Variants in SLC15A5 observed in about 807,000 individuals in gnomAD.
SLC15A5 encodes the protein solute carrier family 15 member 5.
Under a neutral mutation model 56.1 loss-of-function variants are expected in SLC15A5, and 58 were observed. The ratio of observed to expected loss-of-function variants is 1.03; its 90% CI spans 0.84 to 1.29. The LOEUF (loss-of-function observed/expected upper bound fraction) is 1.29. Ranked by LOEUF, SLC15A5 falls within the 50% of genes most tolerant of loss-of-function variation. The pLI is 0.00. For synonymous variants in SLC15A5, 264 were observed against 250.5 expected (o/e 1.05, Z -0.51); for missense variants, 681 against 672.1 (o/e 1.01, Z -0.15).
intron 7 of SLC15A5, among the ~76,000 whole-genome samples, chr12:16,199,304 C>CA (rs10687463): frequency 0.01 from 927 of 91,254 alleles, 26 homozygotes; most frequent in African/African-American, 0.032. Flanking sequence ...TAGACTGTCT[C>CA]AAAAAAAAAA....
rs1206131850 is a variant in SLC15A5, at chr12:16,237,659, A to T, written c.1162+2022T>A. Among the ~76,000 whole-genome samples the T allele has an allele frequency of 6.6e-6, 1 of 152,156 alleles. No homozygotes were observed. The highest frequency in any genetic ancestry group is 1.5e-5 in the Non-Finnish European group (1 of 68,022). On this transcript the variant is annotated intron_variant, in intron 5 of 8. Coordinates refer to ENST00000344941, the MANE Select transcript of SLC15A5 (RefSeq NM_001170798.1). The surrounding 1 kb of genome is among the most constrained non-coding windows in gnomAD (Gnocchi z 4.1). Reference sequence around the variant, plus strand: ...TGCTTAACTTTAAAGTTAATTTAAGATTTCTTATTCTCAGGAAGAATTTAT... The same window carrying T: ...TGCTTAACTTTAAAGTTAATTTAAGTTTTCTTATTCTCAGGAAGAATTTAT...
chr12:16,253,413 A>C (rs1864538732), intron 3 of SLC15A5, among the ~76,000 whole-genome samples: 1 of 152,116 alleles, frequency 6.6e-6, no homozygotes. Context: ...CAGAATATAT[A>C]ATGAACTTCT....
At chr12:16,252,665 A>C (rs1864531308) in intron 3 of SLC15A5, among the ~76,000 whole-genome samples, 1 of 152,102 alleles carries the variant, frequency 6.6e-6, no homozygotes, top group Admixed American at 6.6e-5. Flanking sequence ...TATACAAATA[A>C]ATGGAAAGAT....
At chr12:16,234,283 C>T (rs891444471) in intron 5 of SLC15A5, among the ~76,000 whole-genome samples, 1 of 152,186 alleles carries the variant, frequency 6.6e-6, no homozygotes, top group African/African-American at 2.4e-5. Context: ...TACTGTTGTA[C>T]TGGGGATAAA....
intron 7 of SLC15A5, among the ~76,000 whole-genome samples, chr12:16,200,411 A>C (rs1373891504): frequency 6.6e-6 from 1 of 151,954 alleles, no homozygotes; most frequent in Non-Finnish European, 1.5e-5. Context: ...TGTCTTTTGG[A>C]AAAAATGATA....
chr12:16,193,066 T>C (rs1863853078), intron 8 of SLC15A5, among the ~76,000 whole-genome samples: 1 of 152,028 alleles, frequency 6.6e-6, no homozygotes, highest in East Asian at 1.9e-4. Flanking sequence ...TGCAGGTTTT[T>C]GAGAATTGCT....
At chr12:16,201,869 A>C (rs1863960528) in intron 7 of SLC15A5, among the ~76,000 whole-genome samples, 1 of 152,168 alleles carries the variant, frequency 6.6e-6, no homozygotes, top group African/African-American at 2.4e-5. Context: ...GAGAAAGTAC[A>C]GTCTCTTCAA....
intron 6 of SLC15A5, among the ~76,000 whole-genome samples, chr12:16,223,808 C>T (rs1238882069): frequency 1.4e-5 from 2 of 145,090 alleles, no homozygotes; most frequent in African/African-American, 5.1e-5. Context: ...CTCCGCCTCC[C>T]GGGTTCAAGT....
chr12:16,217,053 G>C lies in SLC15A5; in HGVS notation c.1352-29C>G, dbSNP rs759838755. 2.8e-4 allele frequency: 431 copies of C among 1,515,306 alleles called. 1 individual carries two copies. The highest frequency in any genetic ancestry group is 3.5e-4 in the Non-Finnish European group (403 of 1,139,070). The allele number at this position is 1,515,306 out of a possible 1,614,324, so 93.9% of individuals were successfully genotyped here. A position where few individuals can be genotyped will look rare whatever the true frequency, so the allele number is the denominator to read the frequency against. ...AGAGAAAAAGAGAGGTCAGAATTTAGAACTTTCTCCTGAAAATGCTTTCAT... is the reference window on the plus strand; with the variant it reads ...AGAGAAAAAGAGAGGTCAGAATTTACAACTTTCTCCTGAAAATGCTTTCAT... On this transcript the variant is annotated intron_variant, in intron 6 of 8. Coordinates refer to ENST00000344941, the MANE Select transcript of SLC15A5 (RefSeq NM_001170798.1).
intron 8 of SLC15A5, 39 bp from the exon 9 acceptor site, chr12:16,189,854 T>A (rs1157910567): frequency 7.3e-6 from 10 of 1,369,496 alleles, no homozygotes; most frequent in Non-Finnish European, 8.6e-6. Flanking sequence ...TAGGACCAGA[T>A]GTAGATGAAT....
At chr12:16,222,371 A>G (rs532286357) in intron 6 of SLC15A5, among the ~76,000 whole-genome samples, 2 of 152,232 alleles carry the variant, frequency 1.3e-5, no homozygotes, top group Admixed American at 1.3e-4. Flanking sequence ...ACTTGATTTT[A>G]TAGTTTGAAA....
chr12:16,248,376 T>C lies in SLC15A5; in HGVS notation c.755-3576A>G, dbSNP rs368765887. Among the ~76,000 whole-genome samples the C allele has an allele frequency of 1.1e-4, 17 of 152,202 alleles. No homozygotes were observed. In the South Asian group the frequency reaches 3.3e-3, roughly 30 times the overall value. ...GATTCAGTGTCCCTGGAATGAATCCTAGGGCTGCACATCCGTTAGGAAGTT... is the reference window on the plus strand; with the variant it reads ...GATTCAGTGTCCCTGGAATGAATCCCAGGGCTGCACATCCGTTAGGAAGTT... On this transcript the variant is annotated intron_variant, in intron 3 of 8. Coordinates refer to ENST00000344941, the MANE Select transcript of SLC15A5 (RefSeq NM_001170798.1).
intron 3 of SLC15A5, among the ~76,000 whole-genome samples, chr12:16,246,944 C>T (rs1217468309): frequency 6.6e-6 from 1 of 151,992 alleles, no homozygotes; most frequent in Non-Finnish European, 1.5e-5. Context: ...CTATCGTGGT[C>T]AATTCATTTG....
chr12:16,268,194 T>C (rs1864714842), intron 2 of SLC15A5, among the ~76,000 whole-genome samples: 1 of 116,016 alleles, frequency 8.6e-6, no homozygotes. Context: ...CTGGGCAACA[T>C]GGTGAAACCC....
At position 16,196,152 on chromosome 12, in the gene SLC15A5, A is replaced by C. The variant is rs1863892771; in HGVS notation, c.1484-1699T>G. ...GGGATTATTTGGCAAAATAATACCA[A>C]AATAGGTATTATGATAGGTATAAAT... On this transcript the variant is annotated intron_variant, in intron 7 of 8. Transcript: ENST00000344941. The surrounding 1 kb of genome is among the most constrained non-coding windows in gnomAD (Gnocchi z 4.0). 6.6e-6 allele frequency among the ~76,000 whole-genome samples: 1 copy of C among 152,124 alleles called. No homozygotes were observed. The highest frequency in any genetic ancestry group is 2.1e-4 in the South Asian group (1 of 4,830).
chr12:16,204,687 T>G (rs983619477), intron 7 of SLC15A5, among the ~76,000 whole-genome samples: 4 of 152,020 alleles, frequency 2.6e-5, no homozygotes, highest in Non-Finnish European at 4.4e-5. Context: ...TACAAATATG[T>G]TAAAATATGT....
At position 16,244,633 on chromosome 12, in the gene SLC15A5, T is replaced by C; in HGVS notation, c.922A>G (p.Thr308Ala). 2.6e-6 allele frequency: 4 copies of C among 1,537,602 alleles called. No individual in the cohort carries two copies. The highest frequency in any genetic ancestry group is 3.5e-6 in the Non-Finnish European group (4 of 1,147,000). The change falls in exon 4 of 9, where the codon ACC becomes GCC. Residue 308 changes from threonine to alanine, a missense_variant. By Grantham distance (58) the Thr-to-Ala change is moderately conservative. Coordinates refer to ENST00000344941, the MANE Select transcript of SLC15A5 (RefSeq NM_001170798.1). ...LHVEDTTFFL[T>A]LLPLFIFQLL... is the part of the protein sequence containing the mutation. ...TGAAAAATGAAGAGAGGGAGAAGGG[T>C]GAGGAAAAATGTTGTGTCTTCTACA...
chr12:16,241,966 G>A (rs1397886971), intron 4 of SLC15A5, among the ~76,000 whole-genome samples: 4 of 151,986 alleles, frequency 2.6e-5, no homozygotes, highest in Non-Finnish European at 4.4e-5. Flanking sequence ...TGAAATCATC[G>A]CCCTGTAAAA....
At chr12:16,265,992 A>G (rs570870744) in intron 2 of SLC15A5, among the ~76,000 whole-genome samples, 7 of 152,238 alleles carry the variant, frequency 4.6e-5, no homozygotes, top group Non-Finnish European at 8.8e-5. Flanking sequence ...AAATCAATTA[A>G]TCAAACAAAC....
Sources: allele counts gnomAD v4.1 joint callset (sites outside exome capture counted in the v4.1 genomes callset), GRCh38; gene constraint gnomAD v4.1.1; non-coding constraint Gnocchi (gnomAD v3.1); transcripts MANE v1.5; gene names NCBI Gene and HGNC (gene_info 2026-07-23, HGNC 2026-07-21).